Variants in CCDC178 observed in about 807,000 individuals in gnomAD.
CCDC178 encodes coiled-coil domain containing 178.
In CCDC178, 126 loss-of-function variants were observed where a neutral mutation model predicts 117.4. The ratio of observed to expected loss-of-function variants is 1.07; its 90% CI spans 0.93 to 1.24. The LOEUF is 1.24. Among genes scored for constraint, CCDC178 ranks in the 50% most tolerant of loss-of-function variants. CCDC178 has a pLI of 0.00. For synonymous variants in CCDC178, 283 were observed against 313.4 expected (o/e 0.90, Z 1.02); for missense variants, 1,030 against 986.9 (o/e 1.04, Z -0.59).
At chr18:33,354,075 C>T (rs897011286) in intron 7 of CCDC178, among the ~76,000 whole-genome samples, 1 of 151,940 alleles carries the variant, frequency 6.6e-6, no homozygotes, top group Non-Finnish European at 1.5e-5. Context: ...TTGACAGTTT[C>T]TTTTTTTTCT....
chr18:33,177,595 G>A (rs1226196030), intron 20 of CCDC178, among the ~76,000 whole-genome samples: 1 of 151,924 alleles, frequency 6.6e-6, no homozygotes, highest in Non-Finnish European at 1.5e-5. Context: ...AGGCTCAAGT[G>A]CCCCCACCTT....
At chr18:33,178,455 T>C (rs897780543) in intron 20 of CCDC178, among the ~76,000 whole-genome samples, 16 of 152,138 alleles carry the variant, frequency 1.1e-4, no homozygotes, top group African/African-American at 3.9e-4. Flanking sequence ...CACATTCCAA[T>C]CACAATTCAG....
intron 22 of CCDC178, among the ~76,000 whole-genome samples, chr18:32,949,316 T>G (rs2054424557): frequency 6.6e-6 from 1 of 152,008 alleles, no homozygotes; most frequent in Non-Finnish European, 1.5e-5. Context: ...TTAACCATGA[T>G]TTTTTAAATA....
At chr18:32,997,943 T>C (rs2055550933) in intron 21 of CCDC178, among the ~76,000 whole-genome samples, 1 of 152,184 alleles carries the variant, frequency 6.6e-6, no homozygotes, top group East Asian at 1.9e-4. Context: ...AAACCCTCAC[T>C]GATTGTCCTC....
chr18:33,185,237 G>A (rs1463690293), intron 20 of CCDC178, among the ~76,000 whole-genome samples: 1 of 151,930 alleles, frequency 6.6e-6, no homozygotes, highest in Non-Finnish European at 1.5e-5. Context: ...AGTACAGAGG[G>A]AAACTTGCAA....
At chr18:33,399,867 T>C (rs2063687520) in intron 3 of CCDC178, among the ~76,000 whole-genome samples, 1 of 152,106 alleles carries the variant, frequency 6.6e-6, no homozygotes, top group African/African-American at 2.4e-5. Flanking sequence ...TTCCTCAAGG[T>C]TTTTTATTTA....
chr18:33,362,057 T>C (rs2063136039), intron 6 of CCDC178, among the ~76,000 whole-genome samples: 1 of 151,738 alleles, frequency 6.6e-6, no homozygotes, highest in South Asian at 2.1e-4. Context: ...AACCTGAATG[T>C]TCATCGATGA....
intron 21 of CCDC178, among the ~76,000 whole-genome samples, chr18:33,017,970 G>A (rs1399037963): frequency 2.0e-5 from 3 of 151,916 alleles, no homozygotes; most frequent in Non-Finnish European, 2.9e-5. Context: ...GTGCTTTAAA[G>A]GAAACCATTA....
At chr18:33,021,125 T>G (rs947486142) in intron 21 of CCDC178, among the ~76,000 whole-genome samples, 6 of 152,202 alleles carry the variant, frequency 3.9e-5, no homozygotes, top group Admixed American at 1.3e-4. Flanking sequence ...ATAGGTTCAT[T>G]AATTGAAGCG....
At chr18:33,328,057 C>A (rs901434896) in intron 10 of CCDC178, 10 of 372,596 alleles carry the variant, frequency 2.7e-5, no homozygotes, top group African/African-American at 2.4e-4. Flanking sequence ...ATTTCCAAAT[C>A]CAAGGTCATA....
chr18:33,435,370 G>A (rs949098737), intron 2 of CCDC178, among the ~76,000 whole-genome samples: 2 of 152,098 alleles, frequency 1.3e-5, no homozygotes, highest in Non-Finnish European at 2.9e-5. Flanking sequence ...AAGTCTTTTG[G>A]ACAGTGTTGT....
intron 14 of CCDC178, among the ~76,000 whole-genome samples, chr18:33,255,164 C>T (rs1164482566): frequency 2.0e-5 from 3 of 152,060 alleles, no homozygotes; most frequent in Non-Finnish European, 2.9e-5. Context: ...TGTTCTGATG[C>T]AGCACGAAAG....
chr18:33,163,205 A>C (rs1433336632), intron 20 of CCDC178, among the ~76,000 whole-genome samples: 3 of 152,068 alleles, frequency 2.0e-5, no homozygotes, highest in Non-Finnish European at 4.4e-5. Flanking sequence ...CGTTTTTTTC[A>C]TATGCTTTTT....
chr18:33,419,915 T>C (rs1355734795), intron 2 of CCDC178, among the ~76,000 whole-genome samples: 1 of 143,086 alleles, frequency 7.0e-6, no homozygotes, highest in Non-Finnish European at 1.5e-5. Flanking sequence ...TCTTTCCTTC[T>C]TTTTTTTTTT....
At chr18:33,113,178 G>C (rs939672920) in intron 20 of CCDC178, among the ~76,000 whole-genome samples, 1 of 151,902 alleles carries the variant, frequency 6.6e-6, no homozygotes, top group African/African-American at 2.4e-5. Context: ...ATGAATCATA[G>C]TTTAGTTTTC....
intron 20 of CCDC178, among the ~76,000 whole-genome samples, chr18:33,141,038 T>C (rs1305246140): frequency 6.6e-6 from 1 of 152,210 alleles, no homozygotes; most frequent in Admixed American, 6.5e-5. Flanking sequence ...TCTTTGCCTG[T>C]TGCCATCTAT....
At chr18:33,383,846 T>C (rs140116895) in intron 5 of CCDC178, among the ~76,000 whole-genome samples, 14 of 152,156 alleles carry the variant, frequency 9.2e-5, no homozygotes, top group South Asian at 2.1e-4. Context: ...GGGCACAGAA[T>C]GGGGCCGAAG....
intron 17 of CCDC178, among the ~76,000 whole-genome samples, chr18:33,224,122 C>T (rs2059272313): frequency 1.3e-5 from 2 of 152,076 alleles, no homozygotes; most frequent in Admixed American, 6.6e-5. Flanking sequence ...TATAAAGTTA[C>T]ATTATTATTT....
At chr18:33,431,018 T>G (rs2064209357) in intron 2 of CCDC178, among the ~76,000 whole-genome samples, 1 of 144,820 alleles carries the variant, frequency 6.9e-6, no homozygotes, top group South Asian at 2.1e-4. Context: ...GAGCTTGCAG[T>G]GAGCCGAGAT....
Sources: gnomAD v4.1 joint callset for allele counts (sites outside exome capture counted in the v4.1 genomes callset) on GRCh38, gnomAD v4.1.1 for gene constraint, MANE v1.5 for transcripts, NCBI Gene and HGNC (gene_info 2026-07-23, HGNC 2026-07-21) for gene names.